The following TFCP2 variants were observed in gnomAD, a reference collection of about 807,000 sequenced individuals.
TFCP2 encodes the protein alpha-globin transcription factor CP2.
In TFCP2, 33 loss-of-function variants were observed where a neutral mutation model predicts 73.4. That is an observed-to-expected ratio of 0.45 (90% confidence interval 0.34 to 0.60). The LOEUF is 0.60. Ranked by LOEUF, TFCP2 falls within the 20% of genes least tolerant of loss-of-function variation. The probability of loss-of-function intolerance (pLI) is 0.01; values close to 1 mark genes in which losing one functional copy is unlikely to be tolerated. For missense variants in TFCP2, 352 were observed against 604.0 expected (o/e 0.58, Z 4.37); for synonymous variants, 193 against 211.6 (o/e 0.91, Z 0.76).
intron 8 of TFCP2, among the ~76,000 whole-genome samples, chr12:51,105,908 T>TG (rs1350754170): frequency 6.6e-6 from 1 of 152,328 alleles, no homozygotes; most frequent in African/African-American, 2.4e-5. Flanking sequence ...GTTAAATGCT[T>TG]GGACTATAAT....
intron 6 of TFCP2, among the ~76,000 whole-genome samples, chr12:51,108,424 C>T (rs1940310743): frequency 6.6e-6 from 1 of 152,026 alleles, no homozygotes; most frequent in African/African-American, 2.4e-5. Flanking sequence ...CTATGAATAC[C>T]TCTGTATTAT....
At chr12:51,153,200 C>A (rs1260528905) in intron 1 of TFCP2, among the ~76,000 whole-genome samples, 1 of 152,062 alleles carries the variant, frequency 6.6e-6, no homozygotes, top group Non-Finnish European at 1.5e-5. Context: ...CATAGCAAGA[C>A]CCCATCTCTC....
chr12:51,117,767 C>T lies in TFCP2; in HGVS notation c.275-20G>A. 4 of 1,546,196 alleles carry T rather than the reference C, an allele frequency of 2.6e-6. No homozygotes were observed. The highest frequency in any genetic ancestry group is 1.1e-5 in the South Asian group (1 of 87,050). Reference sequence around the variant, plus strand: ...ACTGTCCTAGAAGAAAAAGTAATTACATATTATATTCACCACAAATTAACT... The same window carrying T: ...ACTGTCCTAGAAGAAAAAGTAATTATATATTATATTCACCACAAATTAACT... On this transcript the variant is annotated intron_variant, in intron 2 of 14. Coordinates refer to ENST00000257915, the MANE Select transcript of TFCP2 (RefSeq NM_005653.5).
intron 6 of TFCP2, among the ~76,000 whole-genome samples, chr12:51,107,606 A>T (rs929093932): frequency 6.6e-6 from 1 of 151,890 alleles, no homozygotes; most frequent in African/African-American, 2.4e-5. Flanking sequence ...GTCTCAAAAC[A>T]TTTCTTTCTT....
intron 1 of TFCP2, among the ~76,000 whole-genome samples, chr12:51,146,943 T>G (rs1941309586): frequency 6.6e-6 from 1 of 152,210 alleles, no homozygotes. Flanking sequence ...AGCTACAGAA[T>G]CAAGTTGTAC....
rs188692705 is a variant in TFCP2, at chr12:51,097,537, C to T, written c.1419+1239G>A. On this transcript the variant is annotated intron_variant, in intron 13 of 14. Transcript: ENST00000257915. ...CTGGGTTTACAGGCATGAGCCATTG[C>T]GCCTGGGCAGCCTTCTTAATCTTTA... Among the ~76,000 whole-genome samples the T allele has an allele frequency of 6.4e-4, 98 of 152,202 alleles. 2 individuals carry two copies. The highest frequency in any genetic ancestry group is 6.3e-3 in the Admixed American group (96 of 15,294).
intron 4 of TFCP2, among the ~76,000 whole-genome samples, chr12:51,115,849 TAG>T (rs1940520952): frequency 6.6e-6 from 1 of 152,152 alleles, no homozygotes; most frequent in African/African-American, 2.4e-5. Flanking sequence ...GTCCAATTCA[TAG>T]AGACAGAAAG....
chr12:51,154,654 A>G (rs1357252319), intron 1 of TFCP2, among the ~76,000 whole-genome samples: 1 of 152,230 alleles, frequency 6.6e-6, no homozygotes, highest in Non-Finnish European at 1.5e-5. Flanking sequence ...AGATGGTGCC[A>G]CTGCACTCCA....
intron 1 of TFCP2, among the ~76,000 whole-genome samples, chr12:51,123,241 A>G (rs569836205): frequency 4.6e-5 from 7 of 152,352 alleles, no homozygotes; most frequent in African/African-American, 1.4e-4. Context: ...TCCTCATCAA[A>G]GAGTTTAAGA....
At chr12:51,158,861 C>T (rs1941591743) in intron 1 of TFCP2, among the ~76,000 whole-genome samples, 1 of 150,894 alleles carries the variant, frequency 6.6e-6, no homozygotes, top group Admixed American at 6.6e-5. Flanking sequence ...TGGTGCCAGT[C>T]CTTTAAATCT....
At chr12:51,120,211 C>T (rs1441410847) in intron 1 of TFCP2, among the ~76,000 whole-genome samples, 6 of 123,806 alleles carry the variant, frequency 4.8e-5, no homozygotes. Flanking sequence ...AGAACAACAA[C>T]AACAACAAAA....
At chr12:51,117,623 A>G (rs1940562218) in intron 3 of TFCP2, 48 bp downstream of exon 3, 2 of 1,446,132 alleles carry the variant, frequency 1.4e-6, no homozygotes, top group Non-Finnish European at 1.9e-6. Flanking sequence ...AAAATCCCAA[A>G]AGGATTAGTA....
chr12:51,110,433 G>A (rs946914525), intron 5 of TFCP2, among the ~76,000 whole-genome samples: 3 of 152,102 alleles, frequency 2.0e-5, no homozygotes, highest in African/African-American at 7.2e-5. Context: ...GCCAGGCATG[G>A]TGACATGCGC....
chr12:51,125,039 C>G (rs1456822183), intron 1 of TFCP2: 2 of 743,536 alleles, frequency 2.7e-6, no homozygotes, highest in Admixed American at 1.8e-5. Context: ...ACTTGAGGAT[C>G]TCGGTCGTGA....
rs1026129731 is a variant in TFCP2, at chr12:51,171,674, G to A, written c.122+627C>T. Among the ~76,000 whole-genome samples the A allele has an allele frequency of 1.1e-4, 16 of 152,288 alleles. 2 individuals are homozygous for A. Among genetic ancestry groups the A allele is most frequent in the Admixed American group, 7.9e-4 (12 of 15,286 alleles). On this transcript the variant is annotated intron_variant, in intron 1 of 14. Transcript: ENST00000257915. ...ATTACAGGCGTGAGCCACCGCACCC[G>A]GCCGAAAGGAGATTTTTCATCTGTT...
chr12:51,108,904 TGCCTCTA>T (rs1006512092), intron 6 of TFCP2, among the ~76,000 whole-genome samples: 1 of 152,214 alleles, frequency 6.6e-6, no homozygotes, highest in African/African-American at 2.4e-5. Context: ...TCCATGTTCT[TGCCTCTA>T]GCCCTCTTTT....
chr12:51,172,452 C>T lies in TFCP2; in HGVS notation c.-30G>A. ...GCTCCTTCCTTGCCCCAGGAGACAC[C>T]GTGTCTTGTACAAAGGCGCGGAGGG... On this transcript the variant is annotated 5_prime_UTR_variant, in exon 1 of 15. Coordinates refer to ENST00000257915, the MANE Select transcript of TFCP2 (RefSeq NM_005653.5). The T allele has an allele frequency of 6.2e-7, 1 of 1,613,284 alleles. No homozygotes were observed. The highest frequency in any genetic ancestry group is 8.5e-7 in the Non-Finnish European group (1 of 1,179,730).
At chr12:51,115,439 A>G (rs1020215859) in intron 4 of TFCP2, among the ~76,000 whole-genome samples, 2 of 152,140 alleles carry the variant, frequency 1.3e-5, no homozygotes, top group African/African-American at 2.4e-5. Flanking sequence ...ACCTTTGAGT[A>G]CCGCTGGTAG....
chr12:51,165,954 G>C (rs985978379), intron 1 of TFCP2, among the ~76,000 whole-genome samples: 1 of 152,076 alleles, frequency 6.6e-6, no homozygotes, highest in African/African-American at 2.4e-5. Flanking sequence ...CGAAGCTGCA[G>C]TGAGCCATGA....
Sources: allele counts gnomAD v4.1 joint callset (sites outside exome capture counted in the v4.1 genomes callset), GRCh38; gene constraint gnomAD v4.1.1; transcripts MANE v1.5; gene names NCBI Gene and HGNC (gene_info 2026-07-23, HGNC 2026-07-21).